MECOM: variants seen among roughly 807,000 people sequenced by gnomAD.
MECOM encodes the protein MDS1 and EVI1 complex locus, also known as histone-lysine N-methyltransferase MECOM.
A neutral mutation model predicts 116.3 loss-of-function variants in MECOM; 13 were observed. The observed-to-expected ratio is 0.11, with a 90% CI of 0.07 to 0.18. The LOEUF (loss-of-function observed/expected upper bound fraction) is 0.18, where lower values mean the gene tolerates loss of function less well. Among genes scored for constraint, MECOM ranks in the 10% least tolerant of loss-of-function variants. The probability of loss-of-function intolerance (pLI) is 1.00; values close to 1 mark genes in which losing one functional copy is unlikely to be tolerated. For synonymous variants in MECOM, 528 were observed against 535.2 expected (o/e 0.99, Z 0.19); for missense variants, 1,299 against 1,509.0 (o/e 0.86, Z 2.31).
chr3:169,352,247 C>T (rs889556262), intron 2 of MECOM, among the ~76,000 whole-genome samples: 4 of 151,788 alleles, frequency 2.6e-5, no homozygotes, highest in Admixed American at 2.6e-4. Context: ...AATAGAAGAT[C>T]ACTGAGTTAG....
intron 1 of MECOM, among the ~76,000 whole-genome samples, chr3:169,648,958 G>C (rs1774519959): frequency 6.6e-6 from 1 of 152,314 alleles, no homozygotes; most frequent in East Asian, 1.9e-4. Context: ...ACTTGTTCTT[G>C]AACTGTGATG....
chr3:169,475,674 C>G (rs1031120310), intron 1 of MECOM, among the ~76,000 whole-genome samples: 3 of 151,724 alleles, frequency 2.0e-5, no homozygotes, highest in East Asian at 3.9e-4. Context: ...ATTCACCAAG[C>G]CAAAGCCAGT....
At chr3:169,363,971 C>A (rs1728749298) in intron 2 of MECOM, among the ~76,000 whole-genome samples, 1 of 151,954 alleles carries the variant, frequency 6.6e-6, no homozygotes. Flanking sequence ...AAAATACACA[C>A]AGATGCTCAT....
intron 2 of MECOM, among the ~76,000 whole-genome samples, chr3:169,190,874 A>G (rs185310757): frequency 1.3e-5 from 2 of 152,104 alleles, no homozygotes; most frequent in East Asian, 3.9e-4. Context: ...ACAAATGACT[A>G]CTCAGGCAGT....
intron 1 of MECOM, among the ~76,000 whole-genome samples, chr3:169,583,668 T>A (rs1765386647): frequency 6.6e-6 from 1 of 152,232 alleles, no homozygotes; most frequent in South Asian, 2.1e-4. Context: ...TTTGTTTGTT[T>A]TTTGAGACAG....
intron 1 of MECOM, among the ~76,000 whole-genome samples, chr3:169,566,567 C>T (rs1763270364): frequency 6.6e-6 from 1 of 152,140 alleles, no homozygotes; most frequent in African/African-American, 2.4e-5. Flanking sequence ...TATTATTTCC[C>T]CAACTTTGCA....
chr3:169,594,395 C>T (rs530520036), intron 1 of MECOM, among the ~76,000 whole-genome samples: 1 of 152,092 alleles, frequency 6.6e-6, no homozygotes, highest in East Asian at 1.9e-4. Context: ...GTGGCCCTCA[C>T]AATGTAGTCC....
intron 1 of MECOM, among the ~76,000 whole-genome samples, chr3:169,617,552 C>T (rs1301652014): frequency 6.6e-6 from 1 of 152,084 alleles, no homozygotes; most frequent in Non-Finnish European, 1.5e-5. Context: ...CCTGCCAGTC[C>T]AAATGAAGTT....
chr3:169,643,724 A>G (rs1200781933), intron 1 of MECOM, among the ~76,000 whole-genome samples: 1 of 152,158 alleles, frequency 6.6e-6, no homozygotes, highest in Non-Finnish European at 1.5e-5. Context: ...CTTCATCTCC[A>G]CTGGGTTCAG....
At chr3:169,522,502 A>G (rs1757469552) in intron 1 of MECOM, among the ~76,000 whole-genome samples, 1 of 152,190 alleles carries the variant, frequency 6.6e-6, no homozygotes, top group Non-Finnish European at 1.5e-5. Flanking sequence ...GCTTTAAAGC[A>G]CAGTAGGTTT....
In MECOM at chr3:169,517,857, A is replaced by C. The variant is rs545102893; in HGVS notation, c.38-136333T>G. ...AGTTCAAAAAAAGAGAGAAAAAATA[A>C]GTAAATCGAGAAATAGCATTTGCAC... On this transcript the variant is annotated intron_variant, in intron 1 of 16. Transcript: ENST00000651503. Among the ~76,000 whole-genome samples, 8 of 152,368 alleles carry C rather than the reference A, an allele frequency of 5.3e-5. No homozygotes were observed. In the East Asian group the frequency reaches 1.5e-3, roughly 29 times the overall value.
At chr3:169,584,130 GTTA>G (rs1168991433) in intron 1 of MECOM, among the ~76,000 whole-genome samples, 5 of 152,010 alleles carry the variant, frequency 3.3e-5, no homozygotes, top group Non-Finnish European at 2.9e-5. Flanking sequence ...AGCAAGTTTT[GTTA>G]TTGTTACTGA....
At chr3:169,567,167 T>C (rs1763343163) in intron 1 of MECOM, among the ~76,000 whole-genome samples, 1 of 152,264 alleles carries the variant, frequency 6.6e-6, no homozygotes, top group Non-Finnish European at 1.5e-5. Flanking sequence ...TAGGCCACTC[T>C]TCAGAGATGT....
At chr3:169,344,272 T>C (rs1247616558) in intron 2 of MECOM, among the ~76,000 whole-genome samples, 1 of 152,156 alleles carries the variant, frequency 6.6e-6, no homozygotes, top group Non-Finnish European at 1.5e-5. Context: ...AGGCATAGTG[T>C]CCTGGAAGTT....
At chr3:169,281,254 T>G (rs1403804384) in intron 2 of MECOM, among the ~76,000 whole-genome samples, 5 of 152,220 alleles carry the variant, frequency 3.3e-5, no homozygotes. Flanking sequence ...CATTGCCATC[T>G]GAGGAGTACT....
chr3:169,154,765 A>G (rs1741699983), intron 2 of MECOM, among the ~76,000 whole-genome samples: 1 of 152,188 alleles, frequency 6.6e-6, no homozygotes, highest in South Asian at 2.1e-4. Context: ...AGCTATTATT[A>G]TTGGTATTGC....
At position 169,175,345 on chromosome 3, in the gene MECOM, G is replaced by A. The variant is rs190864025; in HGVS notation, c.376-31513C>T. Reference sequence around the variant, plus strand: ...TGACACCACAGATTGTCCTTATATAGGTGGCTAAAACAGTGATACCTTTGC... The same window carrying A: ...TGACACCACAGATTGTCCTTATATAAGTGGCTAAAACAGTGATACCTTTGC... On this transcript the variant is annotated intron_variant, in intron 2 of 16. Coordinates refer to ENST00000651503, the MANE Select transcript of MECOM (RefSeq NM_004991.4). Among the ~76,000 whole-genome samples the A allele has an allele frequency of 5.9e-3, 891 of 152,160 alleles. 8 individuals are homozygous for A. Among genetic ancestry groups the A allele is most frequent in the African/African-American group, 0.02 (851 of 41,524 alleles).
At chr3:169,584,524 C>T in intron 1 of MECOM, among the ~76,000 whole-genome samples, 2 of 149,614 alleles carry the variant, frequency 1.3e-5, no homozygotes, top group East Asian at 2.0e-4. Context: ...GAGATGGCGC[C>T]GCTGCACTCC....
chr3:169,630,681 T>C (rs1239648745), intron 1 of MECOM, among the ~76,000 whole-genome samples: 6 of 152,198 alleles, frequency 3.9e-5, no homozygotes, highest in African/African-American at 1.4e-4. Context: ...TAGGCTGGTC[T>C]TAAATCCCTG....
Sources: gnomAD v4.1 joint callset for allele counts (sites outside exome capture counted in the v4.1 genomes callset) on GRCh38, gnomAD v4.1.1 for gene constraint, MANE v1.5 for transcripts, NCBI Gene and HGNC (gene_info 2026-07-23, HGNC 2026-07-21) for gene names.